LRRC4C: variants seen among roughly 807,000 people sequenced by gnomAD.
LRRC4C encodes the protein leucine rich repeat containing 4C, also known as leucine-rich repeat-containing protein 4C.
Under a neutral mutation model 33.6 loss-of-function variants are expected in LRRC4C, and 5 were observed. That is an observed-to-expected ratio of 0.15 (90% CI 0.08 to 0.31). LRRC4C has a LOEUF of 0.31. Ranked by LOEUF, LRRC4C falls within the 10% of genes least tolerant of loss-of-function variation. The pLI, the probability that LRRC4C is intolerant of heterozygous loss-of-function variation, is 1.00. For synonymous variants in LRRC4C, 329 were observed against 302.0 expected (o/e 1.09, Z -0.93); for missense variants, 560 against 796.7 (o/e 0.70, Z 3.58).
rs546311435 is a variant in LRRC4C at position 40,331,018 on chromosome 11, C to G, written c.-269-11297G>C. On this transcript the variant is annotated intron_variant, in intron 3 of 6. Transcript: ENST00000528697. Reference sequence around the variant, plus strand: ...ACTCTAGGAACCACTCATCTACTCTCTACTGCTACAGGGTCAAATTTTTAA... The same window carrying G: ...ACTCTAGGAACCACTCATCTACTCTGTACTGCTACAGGGTCAAATTTTTAA... Among the ~76,000 whole-genome samples, 4 of 152,296 alleles carry G rather than the reference C, an allele frequency of 2.6e-5. No homozygotes were observed. The East Asian group carries it at 5.8e-4, about 22-fold the overall frequency.
At chr11:40,187,149 G>C (rs1861467756) in intron 5 of LRRC4C, among the ~76,000 whole-genome samples, 1 of 152,162 alleles carries the variant, frequency 6.6e-6, no homozygotes, top group Non-Finnish European at 1.5e-5. Context: ...AGTGGGGGTG[G>C]TGGGGGAAGC....
At chr11:41,362,380 G>A (rs1952385759) in intron 1 of LRRC4C, among the ~76,000 whole-genome samples, 1 of 152,132 alleles carries the variant, frequency 6.6e-6, no homozygotes, top group African/African-American at 2.4e-5. Context: ...AGGTAAAAAG[G>A]GCAAAAGACA....
chr11:40,336,830 A>G (rs1469254772), intron 3 of LRRC4C, among the ~76,000 whole-genome samples: 4 of 151,948 alleles, frequency 2.6e-5, no homozygotes, highest in African/African-American at 4.8e-5. Context: ...CAAAAAAATT[A>G]GTCGGGAGTG....
intron 3 of LRRC4C, among the ~76,000 whole-genome samples, chr11:40,324,157 AC>A (rs1945985854): frequency 6.6e-6 from 1 of 152,242 alleles, no homozygotes; most frequent in African/African-American, 2.4e-5. Flanking sequence ...GATTAGGCAC[AC>A]AAATTAATGA....
chr11:41,373,499 G>T (rs1952827943), intron 1 of LRRC4C, among the ~76,000 whole-genome samples: 1 of 152,090 alleles, frequency 6.6e-6, no homozygotes, highest in South Asian at 2.1e-4. Context: ...ATAAATGTTT[G>T]GGAGTCTGTG....
intron 1 of LRRC4C, among the ~76,000 whole-genome samples, chr11:41,235,887 G>A (rs894151332): frequency 1.3e-5 from 2 of 152,058 alleles, no homozygotes; most frequent in Non-Finnish European, 2.9e-5. Flanking sequence ...AAAGGGTAAT[G>A]AGGTAGATAC....
At chr11:41,082,755 G>T (rs1426328601) in intron 1 of LRRC4C, among the ~76,000 whole-genome samples, 1 of 151,812 alleles carries the variant, frequency 6.6e-6, no homozygotes, top group Admixed American at 6.6e-5. Context: ...CTTTTCCTTG[G>T]TTTTCATATT....
chr11:40,364,160 T>C (rs911968399), intron 3 of LRRC4C, among the ~76,000 whole-genome samples: 2 of 152,078 alleles, frequency 1.3e-5, no homozygotes, highest in African/African-American at 4.8e-5. Context: ...AGCATTAAAT[T>C]CATAATTTCT....
At chr11:41,103,014 A>C (rs931091493) in intron 1 of LRRC4C, among the ~76,000 whole-genome samples, 13 of 151,992 alleles carry the variant, frequency 8.6e-5, no homozygotes, top group African/African-American at 3.1e-4. Flanking sequence ...TAAAATAAAA[A>C]AGAAAAGAAG....
intron 2 of LRRC4C, among the ~76,000 whole-genome samples, chr11:40,725,827 C>T (rs754145723): frequency 3.3e-5 from 5 of 152,104 alleles, no homozygotes; most frequent in Non-Finnish European, 5.9e-5. Flanking sequence ...TTCCTGTGTG[C>T]TGCTCCCTTG....
chr11:41,316,772 T>C (rs1337882653), intron 1 of LRRC4C, among the ~76,000 whole-genome samples: 2 of 152,218 alleles, frequency 1.3e-5, no homozygotes, highest in Non-Finnish European at 2.9e-5. Flanking sequence ...ACTTGACAGG[T>C]AGCAACCACT....
chr11:41,209,164 A>G (rs952722225), intron 1 of LRRC4C, among the ~76,000 whole-genome samples: 14 of 151,598 alleles, frequency 9.2e-5, no homozygotes, highest in Non-Finnish European at 1.6e-4. Context: ...GTTTACCTAT[A>G]TAACCAACCT....
intron 3 of LRRC4C, among the ~76,000 whole-genome samples, chr11:40,404,688 G>T (rs535636730): frequency 2.6e-5 from 4 of 151,708 alleles, no homozygotes; most frequent in African/African-American, 7.3e-5. Context: ...CATAGCCAAG[G>T]GTATGTTCTA....
intron 1 of LRRC4C, among the ~76,000 whole-genome samples, chr11:40,946,224 A>G (rs574432949): frequency 6.6e-6 from 1 of 152,154 alleles, no homozygotes; most frequent in Non-Finnish European, 1.5e-5. Context: ...TGCTTGGAAT[A>G]ATGGCCTCCA....
chr11:41,310,948 A>G (rs1950627664), intron 1 of LRRC4C, among the ~76,000 whole-genome samples: 1 of 152,242 alleles, frequency 6.6e-6, no homozygotes. Context: ...AATTTAAAAG[A>G]CAATATAGCA....
chr11:40,194,168 G>A (rs549391771), intron 5 of LRRC4C, among the ~76,000 whole-genome samples: 5 of 152,074 alleles, frequency 3.3e-5, no homozygotes, highest in African/African-American at 7.2e-5. Context: ...GATTCTCTAC[G>A]GTTGAAATGA....
chr11:40,902,297 A>G (rs1956243525), intron 2 of LRRC4C, among the ~76,000 whole-genome samples: 2 of 152,046 alleles, frequency 1.3e-5, no homozygotes, highest in African/African-American at 4.8e-5. Flanking sequence ...GGGCACTGTG[A>G]ACACACCATA....
intron 3 of LRRC4C, among the ~76,000 whole-genome samples, chr11:40,335,736 TCTAA>T (rs1371152600): frequency 6.6e-6 from 1 of 152,190 alleles, no homozygotes; most frequent in African/African-American, 2.4e-5. Context: ...AATGGATTCG[TCTAA>T]CTTTTTGAAA....
intron 2 of LRRC4C, among the ~76,000 whole-genome samples, chr11:40,702,713 A>G (rs1026647716): frequency 1.3e-5 from 2 of 151,454 alleles, no homozygotes; most frequent in African/African-American, 4.9e-5. Context: ...CAATATCACC[A>G]CCAAGACTAC....
Sources: allele counts gnomAD v4.1 joint callset (sites outside exome capture counted in the v4.1 genomes callset), GRCh38; gene constraint gnomAD v4.1.1; transcripts MANE v1.5; gene names NCBI Gene and HGNC (gene_info 2026-07-23, HGNC 2026-07-21).